PARP2: variants seen among roughly 807,000 people sequenced by gnomAD.
PARP2 encodes the protein poly(ADP-ribose) polymerase 2.
PARP2 carries 57 observed loss-of-function variants against 77.8 expected under a neutral mutation model. That is an observed-to-expected ratio of 0.73 (90% CI 0.59 to 0.91). The LOEUF (loss-of-function observed/expected upper bound fraction) is 0.91. Among genes scored for constraint, PARP2 ranks in the 40% least tolerant of loss-of-function variants. PARP2 has a pLI of 0.00. For missense variants in PARP2, 651 were observed against 689.0 expected, an observed-to-expected ratio of 0.94 and a Z score of 0.62; for synonymous variants, 226 against 242.6, an observed-to-expected ratio of 0.93 and a Z score of 0.64.
chr14:20,353,250 GT>G (rs201955911), intron 7 of PARP2, among the ~76,000 whole-genome samples: 3 of 148,700 alleles, frequency 2.0e-5, no homozygotes, highest in African/African-American at 7.4e-5. Context: ...TTTTGTTTTT[GT>G]TTTTTTTTGA....
intron 7 of PARP2, 38 bp downstream of exon 7, chr14:20,352,385 C>G (rs755346976): frequency 7.9e-7 from 1 of 1,264,348 alleles, no homozygotes; most frequent in South Asian, 1.2e-5. Flanking sequence ...AACACATCTT[C>G]TTTTTTTATT....
At position 20,350,628 on chromosome 14, in the gene PARP2, G is replaced by A; in HGVS notation, c.421+6G>A. ...TTGGATGAGATGGGGCCGAGGTAAT[G>A]ATTTTTATTGAGATTTTATGAGTTG... On this transcript the variant is annotated splice_donor_region_variant and intron_variant, in intron 5 of 15. Transcript: ENST00000429687. 1.3e-6 allele frequency: 2 copies of A among 1,558,930 alleles called. No individual in the cohort carries two copies. The highest frequency in any genetic ancestry group is 1.8e-6 in the Non-Finnish European group (2 of 1,130,008).
chr14:20,355,520 CTA>C (rs1433786202), intron 9 of PARP2: 8 of 332,890 alleles, frequency 2.4e-5, no homozygotes, highest in Middle Eastern at 9.2e-4. Context: ...AATTTTAACT[CTA>C]GTCTCAAAAG....
chr14:20,349,541 C>T (rs2138928722), intron 4 of PARP2, among the ~76,000 whole-genome samples: 1 of 151,828 alleles, frequency 6.6e-6, no homozygotes, highest in Non-Finnish European at 1.5e-5. Context: ...GGCATGGTGG[C>T]GTGTGCCTGT....
chr14:20,357,351 A>G, intron 14 of PARP2, 45 bp from the exon 15 acceptor site: 1 of 1,571,736 alleles, frequency 6.4e-7, no homozygotes, highest in Non-Finnish European at 8.6e-7. Flanking sequence ...GGAGCCATCT[A>G]ATTCTTAGTA....
Position 20,350,541 on chromosome 14 carries a change from A to G in PARP2, c.340A>G (p.Asn114Asp). ...VMLNQTNLQF[N>D]NNKYYLIQLL... ...CTCAACATAGACCAATCTCCAGTTC[A>G]ACAACAACAAGTACTATCTGATTCA... Residue 114 changes from asparagine (N) to aspartate (D), a missense_variant, in exon 5 of 16, where the codon AAC becomes GAC. Asn to Asp is a conservative substitution (Grantham distance 23). Transcript: ENST00000429687. 6.2e-7 allele frequency: 1 copy of G among 1,603,170 alleles called. No individual in the cohort carries two copies. Among genetic ancestry groups the G allele is most frequent in the Non-Finnish European group, 8.5e-7 (1 of 1,170,626 alleles).
intron 6 of PARP2, among the ~76,000 whole-genome samples, chr14:20,351,552 AAT>A (rs1252760751): frequency 6.6e-6 from 1 of 152,216 alleles, no homozygotes; most frequent in African/African-American, 2.4e-5. Flanking sequence ...CCTAAATGTT[AAT>A]GTCTTTTCAC....
rs3093933 is a variant in PARP2, at chr14:20,356,256, G to T, written c.1102-51G>T. On this transcript the variant is annotated intron_variant, in intron 11 of 15. Transcript: ENST00000429687. Reference sequence around the variant, plus strand: ...CAGAATCCCCAAATTCTTCAGTTCAGCTCAGTCTCTTGTAGAGTCTACATC... The same window carrying T: ...CAGAATCCCCAAATTCTTCAGTTCATCTCAGTCTCTTGTAGAGTCTACATC... The T allele has an allele frequency of 0.24, 387,766 of 1,597,880 alleles. 49,171 individuals are homozygous for T. Among genetic ancestry groups the T allele is most frequent in the South Asian group, 0.33 (29,462 of 89,772 alleles).
chr14:20,352,507 T>C (rs1883993830), intron 7 of PARP2, 160 bp downstream of exon 7: 2 of 491,004 alleles, frequency 4.1e-6, no homozygotes, highest in Non-Finnish European at 7.2e-6. Flanking sequence ...CTCAGCCTCC[T>C]CAGTATCAGG....
chr14:20,344,491 G>A (rs1316959525), intron 1 of PARP2: 1 of 158,372 alleles, frequency 6.3e-6, no homozygotes, highest in Non-Finnish European at 1.4e-5. Flanking sequence ...AAGTAGTGTG[G>A]GACAGTTGTT....
chr14:20,354,346 C>A, intron 8 of PARP2, 99 bp downstream of exon 8: 1 of 1,010,616 alleles, frequency 9.9e-7, no homozygotes, highest in Non-Finnish European at 1.5e-6. Context: ...GCTCATAGTA[C>A]TGAATGAAGA....
At chr14:20,350,717 C>G (rs1883923910) in intron 5 of PARP2, 95 bp downstream of exon 5, 1 of 782,178 alleles carries the variant, frequency 1.3e-6, no homozygotes, top group East Asian at 2.5e-5. Flanking sequence ...TAAATTGGGT[C>G]AGTAGAGGCT....
chr14:20,345,439 C>T lies in PARP2; in HGVS notation c.248C>T (p.Pro83Leu), dbSNP rs781021523. The T allele has an allele frequency of 6.2e-7, 1 of 1,613,824 alleles. No individual in the cohort carries two copies. Among genetic ancestry groups the T allele is most frequent in the Admixed American group, 1.7e-5 (1 of 60,010 alleles). The change falls in exon 3 of 16, where the codon CCA (proline) becomes CTA (leucine). Residue 83 changes from proline (P) to leucine (L), a missense_variant. Physicochemically the swap from Pro to Leu is moderately conservative, Grantham distance 98. Transcript: ENST00000429687. The stretch of plus-strand genomic sequence containing the variant: ...TTAAAGGGCAAAGCTCCTGTGGACC[C>T]AGAGTGTACAGCCAAGGTGGGGAAG... ...LLLKGKAPVD[P>L]ECTAKVGKAH...
In PARP2 at chr14:20,354,222, G is replaced by C; in HGVS notation, c.738G>C (p.Lys246Asn). 6.2e-7 allele frequency: 1 copy of C among 1,613,670 alleles called. No homozygotes were observed. Among genetic ancestry groups the C allele is most frequent in the Non-Finnish European group, 8.5e-7 (1 of 1,179,732 alleles). Residue 246 changes from lysine to asparagine, a missense_variant, in exon 8 of 16, where the codon AAG becomes AAC. By Grantham distance (94) the Lys-to-Asn change is moderately conservative. Transcript: ENST00000429687. ...TGGAAGAAATGATGATGGAAATGAA[G>C]TATAATACCAAGAAAGCCCCACTTG... ...QAMEEMMMEM[K>N]YNTKKAPLGK...
rs1566422810 is a variant in PARP2, at chr14:20,354,067, G to C, written c.601-18G>C. ...GATTTCTTAGATTGTCTTGTGTTTT[G>C]TTTGTTTTTTGCTATAGGATGAAGA... On this transcript the variant is annotated intron_variant, in intron 7 of 15. Coordinates refer to ENST00000429687, the MANE Select transcript of PARP2 (RefSeq NM_001042618.2). 6.3e-7 allele frequency: 1 copy of C among 1,595,618 alleles called. No homozygotes were observed.
At chr14:20,351,274 G>C (rs1566420708) in intron 6 of PARP2, 152 bp downstream of exon 6, 2 of 510,724 alleles carry the variant, frequency 3.9e-6, no homozygotes, top group African/African-American at 2.0e-5. Context: ...CACCTCCTGG[G>C]TTTAAGTGAT....
intron 1 of PARP2, 115 bp from the exon 2 acceptor site, chr14:20,344,817 C>CA (rs1202032917): frequency 3.7e-6 from 3 of 801,592 alleles, no homozygotes; most frequent in South Asian, 1.8e-5. Context: ...CACCTCAAAA[C>CA]AAAAAAAGAG....
intron 15 of PARP2, 28 bp downstream of exon 15, chr14:20,357,548 A>G: frequency 6.2e-7 from 1 of 1,603,408 alleles, no homozygotes; most frequent in Middle Eastern, 1.7e-4. Flanking sequence ...GGAGGACTAG[A>G]AGACTCCTTT....
rs766781193 is a variant in PARP2 at position 20,356,000 on chromosome 14, GC to G, written c.1075del (p.Asp360ThrfsTer9). On this transcript the variant is annotated frameshift_variant, in exon 11 of 16. Transcript: ENST00000429687. LOFTEE classifies it high-confidence loss of function. ...QHYRNLHCAL[R>X]PLDHESYEFK... ...TATAGAAACCTACATTGTGCCTTGC[GC>G]CCCCTTGACCATGAAAGTTATGAGT... 6.2e-7 allele frequency: 1 copy of G among 1,613,862 alleles called. No homozygotes were observed. Among genetic ancestry groups the G allele is most frequent in the African/African-American group, 1.3e-5 (1 of 75,000 alleles).
Sources: gnomAD v4.1 joint callset for allele counts (sites outside exome capture counted in the v4.1 genomes callset) on GRCh38, gnomAD v4.1.1 for gene constraint, MANE v1.5 for transcripts, NCBI Gene and HGNC (gene_info 2026-07-23, HGNC 2026-07-21) for gene names.